The following CDK14 variants were observed in gnomAD, a reference collection of about 807,000 sequenced individuals.
The protein encoded by CDK14 is cyclin-dependent kinase 14.
CDK14 carries 34 observed loss-of-function variants against 60.7 expected under a neutral mutation model. The ratio of observed to expected loss-of-function variants is 0.56; its 90% CI spans 0.43 to 0.75. CDK14 has a LOEUF of 0.75. Ranked by LOEUF, CDK14 falls within the 30% of genes least tolerant of loss-of-function variation. The pLI, the probability that CDK14 is intolerant of heterozygous loss-of-function variation, is 0.00. For missense variants in CDK14, 482 were observed against 564.1 expected, an observed-to-expected ratio of 0.85 and a Z score of 1.47; for synonymous variants, 197 against 203.7, an observed-to-expected ratio of 0.97 and a Z score of 0.28.
chr7:90,783,328 A>T (rs1584888383), intron 4 of CDK14, among the ~76,000 whole-genome samples: 4 of 152,184 alleles, frequency 2.6e-5, no homozygotes, highest in African/African-American at 7.2e-5. Context: ...ATTCAAAAAG[A>T]AATTAATGTG....
At chr7:90,822,567 G>T (rs1480815835) in intron 5 of CDK14, among the ~76,000 whole-genome samples, 2 of 152,042 alleles carry the variant, frequency 1.3e-5, no homozygotes, top group African/African-American at 4.8e-5. Flanking sequence ...TCCTTTTGCT[G>T]CCCAGTAACT....
intron 12 of CDK14, chr7:91,107,388 T>C (rs889426043): frequency 6.6e-6 from 1 of 152,190 alleles, no homozygotes; most frequent in African/African-American, 2.4e-5. Flanking sequence ...TAAATGAATG[T>C]TAAAGGAAAT....
chr7:90,713,351 A>G (rs1353292118), intron 2 of CDK14, among the ~76,000 whole-genome samples: 4 of 152,074 alleles, frequency 2.6e-5, no homozygotes, highest in African/African-American at 9.7e-5. Flanking sequence ...CCAACCATTT[A>G]TAGAGGAAGA....
chr7:90,776,897 C>G (rs935953309), intron 4 of CDK14, among the ~76,000 whole-genome samples: 1 of 151,742 alleles, frequency 6.6e-6, no homozygotes, highest in African/African-American at 2.4e-5. Context: ...TGAACCAGAA[C>G]CGAAGGAAAT....
At chr7:90,677,461 A>T (rs923312307) in intron 2 of CDK14, among the ~76,000 whole-genome samples, 13 of 152,204 alleles carry the variant, frequency 8.5e-5, no homozygotes, top group Non-Finnish European at 1.9e-4. Context: ...CAGGCTGTTA[A>T]TCGGCTTATT....
At position 90,812,190 on chromosome 7, in the gene CDK14, A is replaced by C. The variant is rs550644938; in HGVS notation, c.544+21538A>C. Reference sequence around the variant, plus strand: ...CATGTATGTTTATTGTGGCACTATTAGCAATAGCAAAGACTTGGAACCAAC... The same window carrying C: ...CATGTATGTTTATTGTGGCACTATTCGCAATAGCAAAGACTTGGAACCAAC... On this transcript the variant is annotated intron_variant, in intron 5 of 14. Coordinates refer to ENST00000380050, the MANE Select transcript of CDK14 (RefSeq NM_001287135.2). Among the ~76,000 whole-genome samples, 1,066 of 152,302 alleles carry C rather than the reference A, an allele frequency of 7.0e-3. 6 individuals carry two copies. The highest frequency in any genetic ancestry group is 8.9e-3 in the Non-Finnish European group (607 of 68,020).
intron 2 of CDK14, among the ~76,000 whole-genome samples, chr7:90,630,786 T>G (rs1022887563): frequency 3.3e-5 from 5 of 152,104 alleles, no homozygotes; most frequent in African/African-American, 9.7e-5. Flanking sequence ...TTTTACTTTT[T>G]TAAAATCCAA....
chr7:90,743,220 C>T (rs1469859784), intron 3 of CDK14, among the ~76,000 whole-genome samples: 2 of 151,990 alleles, frequency 1.3e-5, no homozygotes, highest in African/African-American at 4.8e-5. Context: ...AAAATGATTA[C>T]TGTAGTGAAG....
intron 4 of CDK14, among the ~76,000 whole-genome samples, chr7:90,781,738 A>G (rs1400587921): frequency 7.9e-5 from 12 of 151,002 alleles, no homozygotes; most frequent in South Asian, 6.3e-4. Context: ...GATATGCGGC[A>G]TTATTTCTGA....
chr7:91,039,819 C>T lies in CDK14; in HGVS notation c.1042-6078C>T, dbSNP rs111405239. Among the ~76,000 whole-genome samples the T allele has an allele frequency of 8.6e-3, 1,308 of 152,136 alleles. 16 individuals are homozygous for T. The highest frequency in any genetic ancestry group is 0.012 in the Non-Finnish European group (806 of 68,006). The stretch of plus-strand genomic sequence containing the variant: ...AAAAAATTTCCTTCTTGGCCGGGTG[C>T]GGTGGCTCACACCCGTAGTCCTAGA... On this transcript the variant is annotated intron_variant, in intron 10 of 14. Transcript: ENST00000380050.
chr7:90,847,813 T>C (rs1156573247), intron 5 of CDK14, among the ~76,000 whole-genome samples: 1 of 152,146 alleles, frequency 6.6e-6, no homozygotes, highest in African/African-American at 2.4e-5. Flanking sequence ...TGTCTTTGCT[T>C]ATTTCTGCCC....
intron 9 of CDK14, among the ~76,000 whole-genome samples, chr7:90,980,891 A>G (rs1795210038): frequency 6.6e-6 from 1 of 152,230 alleles, no homozygotes; most frequent in Non-Finnish European, 1.5e-5. Flanking sequence ...TGGAGATGAT[A>G]TAGACTAAAC....
At chr7:90,911,626 C>A (rs1375114450) in intron 7 of CDK14, among the ~76,000 whole-genome samples, 4 of 151,116 alleles carry the variant, frequency 2.6e-5, no homozygotes, top group Non-Finnish European at 5.9e-5. Flanking sequence ...GTATTTCTGA[C>A]CATTCATGGA....
intron 1 of CDK14, among the ~76,000 whole-genome samples, chr7:90,598,708 T>TTCTTTTC (rs1280122894): frequency 1.9e-4 from 8 of 42,680 alleles, no homozygotes; most frequent in African/African-American, 8.2e-4. Context: ...CTAAGGATTT[T>TTCTTTTC]TTTTTTTTTT....
intron 14 of CDK14, among the ~76,000 whole-genome samples, chr7:91,170,251 G>C (rs1007664224): frequency 3.9e-5 from 6 of 152,036 alleles, no homozygotes; most frequent in African/African-American, 1.2e-4. Flanking sequence ...AATAATAAAT[G>C]CTCATTTTAG....
intron 10 of CDK14, among the ~76,000 whole-genome samples, chr7:91,034,004 T>G (rs1364910732): frequency 6.6e-6 from 1 of 152,256 alleles, no homozygotes; most frequent in Non-Finnish European, 1.5e-5. Flanking sequence ...AATGTGCTAC[T>G]TTCACTGCAG....
intron 14 of CDK14, among the ~76,000 whole-genome samples, chr7:91,201,279 AT>A (rs1802713119): frequency 6.6e-6 from 1 of 152,118 alleles, no homozygotes; most frequent in Non-Finnish European, 1.5e-5. Context: ...AAATGTTAGT[AT>A]TTTTTTCTTC....
intron 2 of CDK14, among the ~76,000 whole-genome samples, chr7:90,617,360 C>G (rs1254630402): frequency 6.6e-6 from 1 of 151,972 alleles, no homozygotes; most frequent in African/African-American, 2.4e-5. Context: ...GGAGAAATAA[C>G]ATCTAGGTAC....
chr7:90,899,159 C>A, intron 6 of CDK14, 132 bp from the exon 7 acceptor site: 1 of 606,798 alleles, frequency 1.6e-6, no homozygotes, highest in East Asian at 3.4e-5. Context: ...CCACTACATA[C>A]ACTGAAAAAT....
Sources: gnomAD v4.1 joint callset for allele counts (sites outside exome capture counted in the v4.1 genomes callset) on GRCh38, gnomAD v4.1.1 for gene constraint, MANE v1.5 for transcripts, NCBI Gene and HGNC (gene_info 2026-07-23, HGNC 2026-07-21) for gene names.